The following ANKS1A variants were observed in gnomAD, a reference collection of about 807,000 sequenced individuals.
ANKS1A encodes ankyrin repeat and sterile alpha motif domain containing 1A.
A neutral mutation model predicts 120.3 loss-of-function variants in ANKS1A; 55 were observed. That is an observed-to-expected ratio of 0.46 (90% CI 0.37 to 0.57). ANKS1A has a LOEUF of 0.57. ANKS1A is among the 20% of genes least tolerant of loss of function. The pLI, the probability that ANKS1A is intolerant of heterozygous loss-of-function variation, is 0.00. For missense variants in ANKS1A, 1,123 were observed against 1,480.3 expected (o/e 0.76, Z 3.96); for synonymous variants, 590 against 604.7 (o/e 0.98, Z 0.36).
chr6:34,970,357 A>G (rs1033040032), intron 3 of ANKS1A, among the ~76,000 whole-genome samples, 191 bp downstream of exon 3: 4 of 151,494 alleles, frequency 2.6e-5, no homozygotes, highest in African/African-American at 9.7e-5. Context: ...TCCCAGTTCT[A>G]CTCTTCTTAG....
intron 20 of ANKS1A, among the ~76,000 whole-genome samples, chr6:35,083,732 G>A (rs1777811121): frequency 6.6e-6 from 1 of 152,110 alleles, no homozygotes; most frequent in African/African-American, 2.4e-5. Flanking sequence ...TGTTAGCCTC[G>A]CCACCTGGGC....
intron 10 of ANKS1A, among the ~76,000 whole-genome samples, chr6:35,004,153 C>CG (rs1383286318): frequency 1.3e-5 from 2 of 152,032 alleles, no homozygotes; most frequent in Admixed American, 6.6e-5. Context: ...ACGGACCCCC[C>CG]CTTAGAGTTG....
chr6:34,947,782 C>G (rs1269564545), intron 1 of ANKS1A, among the ~76,000 whole-genome samples: 1 of 152,174 alleles, frequency 6.6e-6, no homozygotes, highest in Non-Finnish European at 1.5e-5. Flanking sequence ...GCCTTTTAGC[C>G]AGGTGTTTTT....
At chr6:34,984,183 G>A (rs975739853) in intron 7 of ANKS1A, among the ~76,000 whole-genome samples, 1 of 152,266 alleles carries the variant, frequency 6.6e-6, no homozygotes, top group Admixed American at 6.5e-5. Flanking sequence ...GTCTGGATGG[G>A]AGCTTAGGGA....
rs1775621561 is a variant in ANKS1A at position 35,044,447 on chromosome 6, GCT to G, written c.2011-9649_2011-9648del. ...TGCAGACTCTGCCCTGTGGGAGCCA[GCT>G]CTGTCTGAGGTGAGGGAGTAGAGGC... On this transcript the variant is annotated intron_variant, in intron 11 of 23. Transcript: ENST00000360359. The surrounding 1 kb of genome is among the most constrained non-coding windows in gnomAD (Gnocchi z 4.4). Among the ~76,000 whole-genome samples the G allele has an allele frequency of 1.3e-5, 2 of 152,240 alleles. No homozygotes were observed. Among genetic ancestry groups the G allele is most frequent in the Non-Finnish European group, 2.9e-5 (2 of 68,042 alleles).
chr6:34,965,495 G>A (rs190933168), intron 1 of ANKS1A, among the ~76,000 whole-genome samples: 1 of 152,086 alleles, frequency 6.6e-6, no homozygotes, highest in African/African-American at 2.4e-5. Flanking sequence ...AGGACTACAG[G>A]TGCCCGCCAC....
At chr6:34,929,412 C>T (rs1768866698) in intron 1 of ANKS1A, among the ~76,000 whole-genome samples, 1 of 152,168 alleles carries the variant, frequency 6.6e-6, no homozygotes, top group Non-Finnish European at 1.5e-5. Flanking sequence ...GAAAAGCTCC[C>T]ATCATTCTCG....
chr6:35,002,285 A>G (rs1773214921), intron 10 of ANKS1A, among the ~76,000 whole-genome samples: 1 of 151,960 alleles, frequency 6.6e-6, no homozygotes, highest in Non-Finnish European at 1.5e-5. Context: ...CTGTACGTGG[A>G]TGGGAGCAGC....
At chr6:35,047,806 T>C (rs760997507) in intron 11 of ANKS1A, among the ~76,000 whole-genome samples, 1 of 152,254 alleles carries the variant, frequency 6.6e-6, no homozygotes, top group Non-Finnish European at 1.5e-5. Flanking sequence ...GAGAAGGTCA[T>C]TTGGCAAGTA....
At position 35,083,572 on chromosome 6, in the gene ANKS1A, G is replaced by GGCA. The variant is rs1212743015; in HGVS notation, c.2994+70_2994+72dup. Reference sequence around the variant, plus strand: ...CCCCGTCAGACCCACAGGGCTCCAGGGCAAGCAACCCGGCTGCCCTGTCTC... The same window carrying GGCA: ...CCCCGTCAGACCCACAGGGCTCCAGGGCAGCAAGCAACCCGGCTGCCCTGTCTC... On this transcript the variant is annotated intron_variant, in intron 20 of 23. Coordinates refer to ENST00000360359, the MANE Select transcript of ANKS1A (RefSeq NM_015245.3). 8 of 1,487,598 alleles carry GGCA rather than the reference G, an allele frequency of 5.4e-6. No homozygotes were observed. In the East Asian group the frequency reaches 1.4e-4, roughly 25 times the overall value. 92.1% of individuals were successfully genotyped at this position (1,487,598 alleles called of 1,614,324 possible). A position where few individuals can be genotyped will look rare whatever the true frequency, so the allele number is the denominator to read the frequency against.
intron 1 of ANKS1A, among the ~76,000 whole-genome samples, chr6:34,941,176 CAG>C (rs1382573668): frequency 2.0e-5 from 3 of 151,946 alleles, no homozygotes; most frequent in African/African-American, 7.2e-5. Context: ...TTAGTAGAGA[CAG>C]GGTTTCACCA....
chr6:34,911,426 A>G (rs6941065), intron 1 of ANKS1A, among the ~76,000 whole-genome samples: 32,617 of 152,088 alleles, frequency 0.21, 6,054 homozygotes, highest in African/African-American at 0.5. Flanking sequence ...CTGCTGTAAT[A>G]ATCTCCTTCC....
intron 3 of ANKS1A, 33 bp downstream of exon 3, chr6:34,970,199 T>G: frequency 2.5e-6 from 4 of 1,597,598 alleles, no homozygotes; most frequent in East Asian, 2.2e-5. Flanking sequence ...CTTCCTCCAT[T>G]CAGCTATAGC....
chr6:35,078,621 C>T lies in ANKS1A; in HGVS notation c.2248C>T (p.Arg750Trp), dbSNP rs768221852. Residue 750 changes from arginine to tryptophan, a missense_variant, in exon 14 of 24, where the codon CGG (arginine) becomes TGG (tryptophan). By Grantham distance (101) the Arg-to-Trp change is moderately radical. Coordinates refer to ENST00000360359, the MANE Select transcript of ANKS1A (RefSeq NM_015245.3). Reference sequence around the variant, plus strand: ...CGGCATCAGCGACCCACAGCACCGGCGGAAGCTGCTCCAGGCGGCACGCTC... The same window carrying T: ...CGGCATCAGCGACCCACAGCACCGGTGGAAGCTGCTCCAGGCGGCACGCTC... ...DIGISDPQHR[R>W]KLLQAARSLP... 14 of 1,605,730 alleles carry T rather than the reference C, an allele frequency of 8.7e-6. No individual in the cohort carries two copies. Among genetic ancestry groups the T allele is most frequent in the East Asian group, 4.5e-5 (2 of 44,874 alleles).
chr6:35,091,662 C>T (rs1005411017), downstream of ANKS1A, among the ~76,000 whole-genome samples: 2 of 152,204 alleles, frequency 1.3e-5, no homozygotes, highest in East Asian at 1.9e-4. Flanking sequence ...GAACACCAAG[C>T]CAGGGCCACA....
intron 10 of ANKS1A, among the ~76,000 whole-genome samples, chr6:35,006,278 G>A (rs1773449486): frequency 6.7e-6 from 1 of 149,040 alleles, no homozygotes; most frequent in African/African-American, 2.5e-5. Context: ...AGAATCGCTT[G>A]AACCCAGGAG....
Position 34,982,469 on chromosome 6 carries a change from A to G in ANKS1A, c.733-283A>G, listed in dbSNP as rs1771952997. Among the ~76,000 whole-genome samples the G allele has an allele frequency of 6.6e-6, 1 of 151,956 alleles. No individual in the cohort carries two copies. The highest frequency in any genetic ancestry group is 1.5e-5 in the Non-Finnish European group (1 of 67,990). ...TACTTTTCTTCTTATTACTCCTTCC[A>G]CCCAGGAAGGTGGAGTTCTGAGGCA... On this transcript the variant is annotated intron_variant, in intron 4 of 23. Transcript: ENST00000360359. The surrounding 1 kb of genome is among the most constrained non-coding windows in gnomAD (Gnocchi z 4.9).
intron 1 of ANKS1A, among the ~76,000 whole-genome samples, chr6:34,911,727 T>C (rs1767915336): frequency 6.6e-6 from 1 of 152,226 alleles, no homozygotes; most frequent in Non-Finnish European, 1.5e-5. Context: ...AGCCAAAATT[T>C]AGTCGTCTGC....
Position 35,079,883 on chromosome 6 carries a change from G to A in ANKS1A, c.2499G>A (p.Pro833=), listed in dbSNP as rs376331573. Residue 833 remains proline (P), a synonymous_variant, in exon 16 of 24, where the codon CCG becomes CCA. Coordinates refer to ENST00000360359, the MANE Select transcript of ANKS1A (RefSeq NM_015245.3). ...KRIIASLADR[P]YEEPPQKPPR... ...TCATCGCCTCCCTCGCAGACAGACC[G>A]TACGAGGAGCCGCCCCAGAAGCCCC... 2.0e-5 allele frequency: 31 copies of A among 1,563,510 alleles called. No homozygotes were observed. The highest frequency in any genetic ancestry group is 1.8e-4 in the Middle Eastern group (1 of 5,598).
Sources: gnomAD v4.1 joint callset for allele counts (sites outside exome capture counted in the v4.1 genomes callset) on GRCh38, gnomAD v4.1.1 for gene constraint, Gnocchi (gnomAD v3.1) non-coding constraint, MANE v1.5 for transcripts, NCBI Gene and HGNC (gene_info 2026-07-23, HGNC 2026-07-21) for gene names.